ERC2: variants seen among roughly 807,000 people sequenced by gnomAD.
ERC2 encodes the protein ELKS/RAB6-interacting/CAST family member 2, also known as ERC protein 2.
In ERC2, 42 loss-of-function variants were observed where a neutral mutation model predicts 114.8. That is an observed-to-expected ratio of 0.37 (90% CI 0.29 to 0.47). ERC2 has a LOEUF of 0.47. Among genes scored for constraint, ERC2 ranks in the 20% least tolerant of loss-of-function variants. The probability of loss-of-function intolerance (pLI) is 0.99; values close to 1 mark genes in which losing one functional copy is unlikely to be tolerated. For missense variants in ERC2, 939 were observed against 1,150.7 expected, an observed-to-expected ratio of 0.82 and a Z score of 2.66; for synonymous variants, 454 against 425.5, an observed-to-expected ratio of 1.07 and a Z score of -0.82.
intron 17 of ERC2, among the ~76,000 whole-genome samples, chr3:55,682,511 G>A (rs193025092): frequency 6.6e-6 from 1 of 152,208 alleles, no homozygotes; most frequent in Admixed American, 6.5e-5. Context: ...CCCATTAGTG[G>A]GACATGTAAC....
intron 2 of ERC2, among the ~76,000 whole-genome samples, chr3:56,365,350 T>C (rs1375035850): frequency 1.3e-5 from 2 of 152,266 alleles, no homozygotes. Flanking sequence ...TAACCTGCTA[T>C]ACAGGTTTGT....
chr3:55,920,099 G>T (rs1195974438), intron 13 of ERC2, among the ~76,000 whole-genome samples: 1 of 151,998 alleles, frequency 6.6e-6, no homozygotes, highest in Non-Finnish European at 1.5e-5. Flanking sequence ...AGTATGGCCG[G>T]ATGCACATTA....
At chr3:56,403,893 G>A (rs1327824375) in intron 2 of ERC2, among the ~76,000 whole-genome samples, 1 of 152,206 alleles carries the variant, frequency 6.6e-6, no homozygotes, top group Admixed American at 6.5e-5. Context: ...AGGTCTGAAA[G>A]TGAGACCATC....
At chr3:55,537,706 A>G (rs1320731212) in intron 17 of ERC2, among the ~76,000 whole-genome samples, 1 of 152,226 alleles carries the variant, frequency 6.6e-6, no homozygotes, top group Admixed American at 6.5e-5. Flanking sequence ...GAAATTAAAA[A>G]GACAAACCAG....
intron 2 of ERC2, among the ~76,000 whole-genome samples, chr3:56,359,691 A>G (rs906144371): frequency 6.6e-6 from 1 of 152,272 alleles, no homozygotes; most frequent in Non-Finnish European, 1.5e-5. Flanking sequence ...ACTCTGTAAA[A>G]GAAGCATGGT....
intron 16 of ERC2, among the ~76,000 whole-genome samples, chr3:55,685,025 G>C (rs1266415177): frequency 6.6e-6 from 1 of 152,140 alleles, no homozygotes; most frequent in African/African-American, 2.4e-5. Context: ...TTTTTACCTA[G>C]AAAAATAGCA....
At chr3:56,428,553 A>AAGG (rs2061664290) in intron 2 of ERC2, among the ~76,000 whole-genome samples, 1 of 90,574 alleles carries the variant, frequency 1.1e-5, no homozygotes, top group Non-Finnish European at 2.1e-5. Flanking sequence ...GGAAGGAAGG[A>AAGG]AGGGAGGGAG....
rs572953798 is a variant in ERC2, at chr3:55,861,592, A to ATT, written c.2564+26795_2564+26796dup. On this transcript the variant is annotated intron_variant, in intron 14 of 17. Coordinates refer to ENST00000288221, the MANE Select transcript of ERC2 (RefSeq NM_015576.3). ...CTAAAGTTATCCTAATTTTTTTTTC[A>ATT]TTTCTCTCTCTCTCTTTTATCCTTT... Among the ~76,000 whole-genome samples the ATT allele has an allele frequency of 9.9e-5, 15 of 151,436 alleles. No homozygotes were observed. In the East Asian group the frequency reaches 2.9e-3, roughly 29 times the overall value.
intron 17 of ERC2, among the ~76,000 whole-genome samples, chr3:55,620,527 T>C (rs572761243): frequency 1.3e-5 from 2 of 152,298 alleles, no homozygotes; most frequent in East Asian, 3.9e-4. Context: ...CATAAACACA[T>C]AGGTTTTCAC....
chr3:56,368,871 G>A (rs1262034336), intron 2 of ERC2, among the ~76,000 whole-genome samples: 1 of 152,078 alleles, frequency 6.6e-6, no homozygotes, highest in Non-Finnish European at 1.5e-5. Context: ...GACCTTATCC[G>A]GTACTGTTAG....
intron 17 of ERC2, among the ~76,000 whole-genome samples, chr3:55,591,568 T>TGC: frequency 9.0e-6 from 1 of 110,690 alleles, no homozygotes; most frequent in African/African-American, 3.4e-5. Context: ...CTCAGAAGTT[T>TGC]GTGTGCGTGT....
intron 17 of ERC2, among the ~76,000 whole-genome samples, chr3:55,567,629 T>C (rs2056455773): frequency 6.6e-6 from 1 of 152,020 alleles, no homozygotes. Flanking sequence ...GTGGTGAGGC[T>C]GACAGGAGGT....
chr3:55,703,957 G>C (rs2063355339), intron 15 of ERC2, among the ~76,000 whole-genome samples: 1 of 152,198 alleles, frequency 6.6e-6, no homozygotes, highest in South Asian at 2.1e-4. Context: ...CCACCTCCCT[G>C]ATTACTTACC....
chr3:55,635,421 C>T (rs1364681208), intron 17 of ERC2, among the ~76,000 whole-genome samples: 6 of 151,148 alleles, frequency 4.0e-5, no homozygotes, highest in African/African-American at 1.2e-4. Flanking sequence ...CTCTTTGTCT[C>T]GCTCTGTCAC....
At chr3:55,989,476 T>C (rs1342260119) in intron 11 of ERC2, among the ~76,000 whole-genome samples, 1 of 152,210 alleles carries the variant, frequency 6.6e-6, no homozygotes, top group Non-Finnish European at 1.5e-5. Flanking sequence ...TTCTCTCCTG[T>C]ATGCTAATAA....
chr3:56,137,838 G>C (rs2080602829), intron 6 of ERC2, among the ~76,000 whole-genome samples: 1 of 152,150 alleles, frequency 6.6e-6, no homozygotes, highest in African/African-American at 2.4e-5. Flanking sequence ...ACTACAGTTT[G>C]AATTTCACTG....
At chr3:56,431,806 A>T (rs1169133489) in intron 2 of ERC2, among the ~76,000 whole-genome samples, 1 of 152,218 alleles carries the variant, frequency 6.6e-6, no homozygotes, top group African/African-American at 2.4e-5. Flanking sequence ...AAAAGAGAAA[A>T]TTGCATTTTA....
At chr3:55,614,330 A>G (rs1241731699) in intron 17 of ERC2, among the ~76,000 whole-genome samples, 1 of 152,208 alleles carries the variant, frequency 6.6e-6, no homozygotes, top group African/African-American at 2.4e-5. Flanking sequence ...GAAGCCAGGT[A>G]TCAGTTGGGG....
chr3:56,179,967 G>C (rs1047262600), intron 3 of ERC2, among the ~76,000 whole-genome samples: 1 of 152,078 alleles, frequency 6.6e-6, no homozygotes, highest in Non-Finnish European at 1.5e-5. Flanking sequence ...AGAGAGATCA[G>C]AGTATTGAGG....
Sources: gnomAD v4.1 joint callset for allele counts (sites outside exome capture counted in the v4.1 genomes callset) on GRCh38, gnomAD v4.1.1 for gene constraint, MANE v1.5 for transcripts, NCBI Gene and HGNC (gene_info 2026-07-23, HGNC 2026-07-21) for gene names.